The following COL9A1 variants were observed in gnomAD, a reference collection of about 807,000 sequenced individuals.
COL9A1 encodes collagen type IX alpha 1 chain.
Under a neutral mutation model 142.6 loss-of-function variants are expected in COL9A1, and 104 were observed. The observed-to-expected ratio is 0.73, with a 90% CI of 0.62 to 0.86. The LOEUF is 0.86. COL9A1 is among the 40% of genes least tolerant of loss of function. The pLI is 0.00. For synonymous variants in COL9A1, 466 were observed against 396.0 expected (o/e 1.18, Z -2.10); for missense variants, 1,210 against 1,176.6 (o/e 1.03, Z -0.42).
intron 5 of COL9A1, among the ~76,000 whole-genome samples, chr6:70,293,486 C>T (rs996209377): frequency 3.9e-5 from 6 of 151,998 alleles, no homozygotes; most frequent in Admixed American, 6.6e-5. Flanking sequence ...TTCTACAATA[C>T]GTCGTGCAAG....
At chr6:70,287,462 A>G (rs1181172962) in intron 5 of COL9A1, among the ~76,000 whole-genome samples, 3 of 152,222 alleles carry the variant, frequency 2.0e-5, no homozygotes, top group Non-Finnish European at 4.4e-5. Flanking sequence ...AGGCTACCGC[A>G]GTAAAGCAAC....
At chr6:70,232,887 T>C (rs1241358790) in intron 35 of COL9A1, 116 bp from the exon 36 acceptor site, 9 of 1,046,134 alleles carry the variant, frequency 8.6e-6, no homozygotes, top group African/African-American at 1.6e-5. Context: ...ATCTTCAAAA[T>C]TGGTAGTAAG....
At position 70,294,324 on chromosome 6, in the gene COL9A1, C is replaced by T; in HGVS notation, c.539G>A (p.Trp180Ter). 6.2e-7 allele frequency: 1 copy of T among 1,614,038 alleles called. No individual in the cohort carries two copies. Among genetic ancestry groups the T allele is most frequent in the Non-Finnish European group, 8.5e-7 (1 of 1,179,944 alleles). Residue 180 changes from tryptophan to a stop codon, truncating the protein, a stop_gained, in exon 5 of 38, where the codon TGG becomes TAG. Transcript: ENST00000357250. LOFTEE classifies it high-confidence loss of function. ...SNLSSLFDSQ[W>*]HKIMIGVERS... ...CTCCACGCCAATCATGATCTTATGC[C>T]ACTGGGAATCAAACAAGGAGGACAA...
intron 18 of COL9A1, 141 bp from the exon 19 acceptor site, chr6:70,263,438 T>C (rs985479093): frequency 5.4e-5 from 34 of 631,284 alleles, no homozygotes; most frequent in Non-Finnish European, 7.8e-5. Context: ...ATTATTTATA[T>C]GGGTAGTCCA....
chr6:70,279,979 A>C, intron 10 of COL9A1: 1 of 693,944 alleles, frequency 1.4e-6, no homozygotes, highest in Non-Finnish European at 2.7e-6. Flanking sequence ...TTCTTACTTC[A>C]CTTCATATTC....
chr6:70,242,846 C>A, intron 28 of COL9A1, 131 bp from the exon 29 acceptor site: 1 of 764,276 alleles, frequency 1.3e-6, no homozygotes, highest in Non-Finnish European at 2.3e-6. Flanking sequence ...CTACATAGTG[C>A]CTACAGCATC....
At chr6:70,298,047 T>C (rs2127607227) in intron 4 of COL9A1, among the ~76,000 whole-genome samples, 1 of 152,344 alleles carries the variant, frequency 6.6e-6, no homozygotes, top group South Asian at 2.1e-4. Flanking sequence ...TATAGGAACA[T>C]TGTCTACACC....
chr6:70,236,456 G>A (rs1282983464), intron 33 of COL9A1, among the ~76,000 whole-genome samples: 4 of 152,184 alleles, frequency 2.6e-5, no homozygotes, highest in Non-Finnish European at 5.9e-5. Flanking sequence ...AGAACACGAG[G>A]CAGCAAGGGA....
At chr6:70,246,444 C>T (rs1360071082) in intron 28 of COL9A1, 1 of 152,100 alleles carries the variant, frequency 6.6e-6, no homozygotes, top group Non-Finnish European at 1.5e-5. Flanking sequence ...GACCTTCTAT[C>T]ACTGATTCCC....
chr6:70,259,731 TTAAC>T (rs948287316), intron 20 of COL9A1, among the ~76,000 whole-genome samples: 6 of 152,128 alleles, frequency 3.9e-5, no homozygotes, highest in Admixed American at 1.3e-4. Flanking sequence ...TGCATTGTAG[TTAAC>T]TAACTACTTA....
chr6:70,274,887 T>C (rs777017443), intron 10 of COL9A1, 115 bp from the exon 11 acceptor site: 1 of 785,910 alleles, frequency 1.3e-6, no homozygotes, highest in East Asian at 2.7e-5. Flanking sequence ...ATAAGTATGA[T>C]GCAAATATTT....
chr6:70,270,961 A>T (rs1037681954), intron 14 of COL9A1, among the ~76,000 whole-genome samples: 2 of 152,236 alleles, frequency 1.3e-5, no homozygotes, highest in Admixed American at 6.5e-5. Flanking sequence ...TACTCTTGGC[A>T]CATTTTCCTT....
At position 70,256,770 on chromosome 6, in the gene COL9A1, G is replaced by A; in HGVS notation, c.1501C>T (p.Pro501Ser). The change falls in exon 21 of 38, where the codon CCT becomes TCT. Residue 501 changes from proline to serine, a missense_variant and splice_region_variant. By Grantham distance (74) the Pro-to-Ser change is moderately conservative. Transcript: ENST00000357250. The stretch of plus-strand genomic sequence containing the variant: ...TTTGTGGAAGGAAAATCACTTACAG[G>A]TGCACCAGGAAGACCCTGAGGCCCA... ...EPGPQGLPGA[P>S]GDQGQRGPPG... 1 of 1,612,366 alleles carries A rather than the reference G, an allele frequency of 6.2e-7. No individual in the cohort carries two copies. Among genetic ancestry groups the A allele is most frequent in the Non-Finnish European group, 8.5e-7 (1 of 1,179,726 alleles).
At chr6:70,282,541 G>A (rs1773228456) in intron 7 of COL9A1, among the ~76,000 whole-genome samples, 1 of 151,552 alleles carries the variant, frequency 6.6e-6, no homozygotes, top group African/African-American at 2.4e-5. Flanking sequence ...TTTCCAGCAA[G>A]GCCTGCTGTT....
At chr6:70,231,767 G>GT (rs1434675131) in intron 36 of COL9A1, among the ~76,000 whole-genome samples, 1 of 150,730 alleles carries the variant, frequency 6.6e-6, no homozygotes, top group Non-Finnish European at 1.5e-5. Context: ...TCTTTCTGAA[G>GT]TTCTCCAGAA....
In COL9A1 at chr6:70,255,492, C is replaced by T. The variant is rs1320862377; in HGVS notation, c.1504-102G>A. The T allele has an allele frequency of 4.0e-6, 4 of 994,718 alleles. No homozygotes were observed. The East Asian group carries it at 9.8e-5, about 24-fold the overall frequency. 61.6% of individuals were successfully genotyped at this position (994,718 alleles called of 1,614,324 possible). ...CCACGTCACCAAACTATTAGTCTTC[C>T]ACCACAATGGCTTTGCTCTATCAAG... On this transcript the variant is annotated intron_variant, in intron 21 of 37. Transcript: ENST00000357250.
chr6:70,254,710 A>C (rs1042408213), intron 24 of COL9A1, 181 bp from the exon 25 acceptor site: 3 of 687,018 alleles, frequency 4.4e-6, no homozygotes, highest in Non-Finnish European at 7.5e-6. Context: ...GACATAATTC[A>C]ACCAAAATGC....
intron 37 of COL9A1, among the ~76,000 whole-genome samples, chr6:70,222,032 G>T (rs371356492): frequency 6.6e-6 from 1 of 152,142 alleles, no homozygotes; most frequent in East Asian, 1.9e-4. Context: ...AAAACTAATC[G>T]TATGATTAGA....
At chr6:70,227,086 G>A (rs1410223425) in intron 36 of COL9A1, among the ~76,000 whole-genome samples, 1 of 152,074 alleles carries the variant, frequency 6.6e-6, no homozygotes, top group Non-Finnish European at 1.5e-5. Context: ...GAACAATTCA[G>A]TAAATGGTAT....
Sources: allele counts gnomAD v4.1 joint callset (sites outside exome capture counted in the v4.1 genomes callset), GRCh38; gene constraint gnomAD v4.1.1; transcripts MANE v1.5; gene names NCBI Gene and HGNC (gene_info 2026-07-23, HGNC 2026-07-21).